Variants in SCHIP1 observed in about 807,000 individuals in gnomAD.
SCHIP1 encodes the protein schwannomin-interacting protein 1.
Under a neutral mutation model 29.7 loss-of-function variants are expected in SCHIP1, and 8 were observed. That is an observed-to-expected ratio of 0.27 (90% CI 0.16 to 0.49). The LOEUF (loss-of-function observed/expected upper bound fraction) is 0.49, where lower values mean the gene tolerates loss of function less well. Ranked by LOEUF, SCHIP1 falls within the 20% of genes least tolerant of loss-of-function variation. The pLI is 0.99. For synonymous variants in SCHIP1, 76 were observed against 94.9 expected (o/e 0.80, Z 1.16); for missense variants, 193 against 294.6 (o/e 0.66, Z 2.52).
the SCHIP1 span, among the ~76,000 whole-genome samples, chr3:159,585,899 G>A: frequency 4.6e-5 from 7 of 152,142 alleles, no homozygotes; most frequent in African/African-American, 1.4e-4. Context: ...AATTTTTAAA[G>A]GGGAATCCTT....
At chr3:159,587,051 C>T in the SCHIP1 span, among the ~76,000 whole-genome samples, 1 of 152,148 alleles carries the variant, frequency 6.6e-6, no homozygotes, top group Non-Finnish European at 1.5e-5. Flanking sequence ...TGCTGAATGC[C>T]AGTCCAAGGG....
the SCHIP1 span, among the ~76,000 whole-genome samples, chr3:159,597,744 T>C: frequency 2.5e-4 from 38 of 152,350 alleles, no homozygotes; most frequent in African/African-American, 8.4e-4. Flanking sequence ...AACACGAAAG[T>C]GCAATATCCC....
chr3:159,399,319 C>CTTGTA, the SCHIP1 span, among the ~76,000 whole-genome samples: 1 of 151,978 alleles, frequency 6.6e-6, no homozygotes, highest in Admixed American at 6.6e-5. Flanking sequence ...TTCTTATCAT[C>CTTGTA]TTGTATTGTA....
At chr3:159,321,886 C>T in the SCHIP1 span, among the ~76,000 whole-genome samples, 60 of 152,018 alleles carry the variant, frequency 3.9e-4, no homozygotes, top group Non-Finnish European at 7.9e-4. Flanking sequence ...CCTCTTAAAA[C>T]AGTGTTATTT....
the SCHIP1 span, among the ~76,000 whole-genome samples, chr3:159,571,226 G>A: frequency 6.6e-6 from 1 of 152,276 alleles, no homozygotes; most frequent in African/African-American, 2.4e-5. Context: ...GTTTTCAAGG[G>A]AATGCTTCCA....
the SCHIP1 span, among the ~76,000 whole-genome samples, chr3:159,483,112 A>C: frequency 2.6e-5 from 4 of 152,324 alleles, no homozygotes; most frequent in African/African-American, 9.6e-5. Flanking sequence ...GTTTTTCACT[A>C]GCCATTAACC....
At chr3:159,474,427 T>C in the SCHIP1 span, among the ~76,000 whole-genome samples, 8,454 of 152,224 alleles carry the variant, frequency 0.056, 327 homozygotes, top group Middle Eastern at 0.078. Context: ...ACTTGCTAAA[T>C]TGCCAAAGCA....
At chr3:159,652,513 T>A in the SCHIP1 span, among the ~76,000 whole-genome samples, 1 of 152,112 alleles carries the variant, frequency 6.6e-6, no homozygotes, top group African/African-American at 2.4e-5. Flanking sequence ...GCTGGGGTGG[T>A]CCCTGGCCCA....
chr3:159,291,329 T>C, the SCHIP1 span, among the ~76,000 whole-genome samples: 1 of 152,158 alleles, frequency 6.6e-6, no homozygotes, highest in African/African-American at 2.4e-5. Flanking sequence ...AGCAACACTC[T>C]TTAAAAATAT....
At chr3:159,725,271 CT>C in the SCHIP1 span, among the ~76,000 whole-genome samples, 1,611 of 136,850 alleles carry the variant, frequency 0.012, 17 homozygotes, top group African/African-American at 0.03. Context: ...TTTCTTTTTT[CT>C]TTTTTTTTTT....
the SCHIP1 span, among the ~76,000 whole-genome samples, chr3:159,746,819 C>G: frequency 3.7e-3 from 567 of 152,280 alleles, 37 homozygotes; most frequent in South Asian, 0.12. Context: ...CATACTGTTC[C>G]CCCAAATTGG....
the SCHIP1 span, among the ~76,000 whole-genome samples, chr3:159,300,649 A>G: frequency 3.3e-5 from 5 of 152,192 alleles, no homozygotes; most frequent in East Asian, 1.9e-4. Context: ...ACCGACTACA[A>G]TGGCCTGTTT....
the SCHIP1 span, among the ~76,000 whole-genome samples, chr3:159,505,450 G>T: frequency 6.6e-6 from 1 of 152,052 alleles, no homozygotes; most frequent in Non-Finnish European, 1.5e-5. Flanking sequence ...AAAACTTATT[G>T]TTGAGCCATT....
chr3:159,531,226 A>G, the SCHIP1 span, among the ~76,000 whole-genome samples: 2 of 152,224 alleles, frequency 1.3e-5, no homozygotes, highest in Non-Finnish European at 2.9e-5. Context: ...GTGTGCAGAC[A>G]TACTAGGGGA....
intron 1 of SCHIP1, among the ~76,000 whole-genome samples, chr3:159,843,073 G>A (rs940254584): frequency 7.6e-5 from 10 of 132,026 alleles, no homozygotes; most frequent in African/African-American, 1.6e-4. Flanking sequence ...GTGCAGTGGC[G>A]CAATCTCAGT....
chr3:159,431,794 C>T, the SCHIP1 span, among the ~76,000 whole-genome samples: 1 of 137,906 alleles, frequency 7.3e-6, no homozygotes, highest in Non-Finnish European at 1.5e-5. Context: ...GATGACAGAG[C>T]AAGATTCCAT....
At chr3:159,554,173 A>G in the SCHIP1 span, among the ~76,000 whole-genome samples, 1 of 152,074 alleles carries the variant, frequency 6.6e-6, no homozygotes, top group Admixed American at 6.5e-5. Context: ...CCCGGTCAGT[A>G]TTTTTAAAGC....
chr3:159,446,472 ATACAGCAATACAGTATTGTTGCAT>A, the SCHIP1 span, among the ~76,000 whole-genome samples: 16 of 104,314 alleles, frequency 1.5e-4, no homozygotes, highest in South Asian at 6.1e-4. Context: ...TATTGTTGCA[ATACAGCAATACAGTATTGTTGCAT>A]TACAGCAATA....
At chr3:159,397,570 G>A in the SCHIP1 span, among the ~76,000 whole-genome samples, 1 of 152,186 alleles carries the variant, frequency 6.6e-6, no homozygotes, top group Non-Finnish European at 1.5e-5. Flanking sequence ...GTCTGTTGGA[G>A]TACCCTGCTG....
Sources: allele counts gnomAD v4.1 joint callset (sites outside exome capture counted in the v4.1 genomes callset), GRCh38; gene constraint gnomAD v4.1.1; transcripts MANE v1.5; gene names NCBI Gene and HGNC (gene_info 2026-07-23, HGNC 2026-07-21).